CAMK1D: variants seen among roughly 807,000 people sequenced by gnomAD.
CAMK1D encodes calcium/calmodulin-dependent protein kinase type 1D.
Under a neutral mutation model 47.7 loss-of-function variants are expected in CAMK1D, and 9 were observed. That is an observed-to-expected ratio of 0.19 (90% CI 0.11 to 0.33). The LOEUF (loss-of-function observed/expected upper bound fraction) is 0.33. Ranked by LOEUF, CAMK1D falls within the 10% of genes least tolerant of loss-of-function variation. The pLI is 1.00. For missense variants in CAMK1D, 291 were observed against 488.7 expected (o/e 0.60, Z 3.81); for synonymous variants, 184 against 184.9 (o/e 0.99, Z 0.04).
intron 4 of CAMK1D, among the ~76,000 whole-genome samples, chr10:12,767,782 C>G (rs143581952): frequency 2.0e-5 from 3 of 152,294 alleles, no homozygotes; most frequent in African/African-American, 7.2e-5. Context: ...GTCACTCACG[C>G]TTTAGTCTGG....
At chr10:12,455,802 A>G (rs907496091) in intron 1 of CAMK1D, among the ~76,000 whole-genome samples, 2 of 152,226 alleles carry the variant, frequency 1.3e-5, no homozygotes, top group Non-Finnish European at 2.9e-5. Context: ...CAACTAGCCC[A>G]TGGAGAATAT....
chr10:12,746,411 C>T (rs988767097), intron 3 of CAMK1D, among the ~76,000 whole-genome samples: 1 of 151,302 alleles, frequency 6.6e-6, no homozygotes, highest in African/African-American at 2.4e-5. Context: ...CCACTTGAGG[C>T]TAACACATTT....
intron 1 of CAMK1D, among the ~76,000 whole-genome samples, chr10:12,537,857 C>T (rs1836027827): frequency 6.6e-6 from 1 of 152,170 alleles, no homozygotes; most frequent in Non-Finnish European, 1.5e-5. Context: ...ATTCTTTTCC[C>T]CTAAAATGTT....
At chr10:12,637,098 A>G (rs971692044) in intron 2 of CAMK1D, among the ~76,000 whole-genome samples, 1 of 151,858 alleles carries the variant, frequency 6.6e-6, no homozygotes, top group African/African-American at 2.4e-5. Flanking sequence ...CAGCCTCCCA[A>G]GTAGTTGGGA....
chr10:12,395,428 C>T (rs959400127), intron 1 of CAMK1D, among the ~76,000 whole-genome samples: 1 of 152,064 alleles, frequency 6.6e-6, no homozygotes, highest in Non-Finnish European at 1.5e-5. Flanking sequence ...AGCCACCAGT[C>T]ACCTCATTAG....
intron 2 of CAMK1D, among the ~76,000 whole-genome samples, chr10:12,564,884 G>A (rs941879924): frequency 6.6e-6 from 1 of 152,228 alleles, no homozygotes; most frequent in African/African-American, 2.4e-5. Flanking sequence ...ATGTAGGTGT[G>A]TAAATAAATA....
chr10:12,646,681 A>G (rs948006218), intron 2 of CAMK1D, among the ~76,000 whole-genome samples: 3 of 152,194 alleles, frequency 2.0e-5, no homozygotes, highest in Admixed American at 6.5e-5. Flanking sequence ...TCCTGCACAT[A>G]CTAAGCTCTG....
At chr10:12,735,432 T>G (rs559540086) in intron 3 of CAMK1D, among the ~76,000 whole-genome samples, 3 of 152,050 alleles carry the variant, frequency 2.0e-5, no homozygotes, top group South Asian at 2.1e-4. Flanking sequence ...GAGCCGAGAT[T>G]GCGCCACTGC....
chr10:12,731,750 A>G (rs548299291), intron 3 of CAMK1D, among the ~76,000 whole-genome samples: 12 of 152,332 alleles, frequency 7.9e-5, no homozygotes, highest in African/African-American at 1.7e-4. Context: ...GGAGGTCTCA[A>G]TGGGACTGGA....
chr10:12,547,641 C>G (rs1487698217), intron 1 of CAMK1D, among the ~76,000 whole-genome samples: 2 of 116,782 alleles, frequency 1.7e-5, no homozygotes, highest in African/African-American at 8.2e-5. Context: ...ACGAGGACAC[C>G]CCCCCCCCAA....
intron 3 of CAMK1D, among the ~76,000 whole-genome samples, chr10:12,751,427 T>C (rs1267239312): frequency 6.6e-6 from 1 of 152,128 alleles, no homozygotes; most frequent in Non-Finnish European, 1.5e-5. Context: ...ATCATCTTTC[T>C]TTAGTCAGCA....
At chr10:12,665,989 C>T (rs1393937066) in intron 2 of CAMK1D, among the ~76,000 whole-genome samples, 1 of 152,230 alleles carries the variant, frequency 6.6e-6, no homozygotes. Flanking sequence ...ATCTGAGCAT[C>T]TTATTACAAT....
At chr10:12,456,819 C>T (rs1833261924) in intron 1 of CAMK1D, among the ~76,000 whole-genome samples, 1 of 143,668 alleles carries the variant, frequency 7.0e-6, no homozygotes, top group Admixed American at 7.0e-5. Flanking sequence ...CCTAACAGTA[C>T]TTTTAAACAA....
intron 6 of CAMK1D, among the ~76,000 whole-genome samples, chr10:12,793,579 C>T (rs1838073521): frequency 6.6e-6 from 1 of 152,234 alleles, no homozygotes; most frequent in Admixed American, 6.5e-5. Flanking sequence ...ATCAAGGTAT[C>T]AACCAATTCG....
At chr10:12,660,098 C>G (rs1046100743) in intron 2 of CAMK1D, among the ~76,000 whole-genome samples, 2 of 152,204 alleles carry the variant, frequency 1.3e-5, no homozygotes, top group African/African-American at 2.4e-5. Context: ...ATGCCCATTA[C>G]TAGAGAATGG....
intron 2 of CAMK1D, among the ~76,000 whole-genome samples, chr10:12,556,331 T>G (rs539320281): frequency 6.6e-6 from 1 of 152,342 alleles, no homozygotes; most frequent in East Asian, 1.9e-4. Context: ...GCCGCACTGC[T>G]GGGCACTGAG....
chr10:12,489,538 A>T (rs1834317400), intron 1 of CAMK1D, among the ~76,000 whole-genome samples: 1 of 152,206 alleles, frequency 6.6e-6, no homozygotes, highest in South Asian at 2.1e-4. Flanking sequence ...GTGTGCTGGT[A>T]AATGTTTAAC....
intron 2 of CAMK1D, among the ~76,000 whole-genome samples, chr10:12,665,022 G>T (rs1050132128): frequency 6.6e-6 from 1 of 152,198 alleles, no homozygotes. Flanking sequence ...TGATAATGCC[G>T]TGATTTGTAG....
chr10:12,350,216 C>G (rs1373923543), intron 1 of CAMK1D, among the ~76,000 whole-genome samples: 2 of 152,214 alleles, frequency 1.3e-5, no homozygotes, highest in Admixed American at 6.5e-5. Flanking sequence ...TCTCCCCACG[C>G]GTGACTGTGG....
Sources: allele counts gnomAD v4.1 joint callset (sites outside exome capture counted in the v4.1 genomes callset), GRCh38; gene constraint gnomAD v4.1.1; transcripts MANE v1.5; gene names NCBI Gene and HGNC (gene_info 2026-07-23, HGNC 2026-07-21).